Variants in KIAA1217 observed in about 807,000 individuals in gnomAD.
KIAA1217 encodes the protein sickle tail protein homolog.
Under a neutral mutation model 163.9 loss-of-function variants are expected in KIAA1217, and 88 were observed. The ratio of observed to expected loss-of-function variants is 0.54; its 90% CI spans 0.45 to 0.64. The LOEUF (loss-of-function observed/expected upper bound fraction) is 0.64. Ranked by LOEUF, KIAA1217 falls within the 30% of genes least tolerant of loss-of-function variation. The probability of loss-of-function intolerance (pLI) is 0.00; values close to 1 mark genes in which losing one functional copy is unlikely to be tolerated. For synonymous variants in KIAA1217, 903 were observed against 923.1 expected (o/e 0.98, Z 0.39); for missense variants, 2,372 against 2,475.0 (o/e 0.96, Z 0.88).
intron 1 of KIAA1217, among the ~76,000 whole-genome samples, chr10:23,996,772 T>C (rs1846505800): frequency 6.6e-6 from 1 of 152,204 alleles, no homozygotes; most frequent in African/African-American, 2.4e-5. Flanking sequence ...TTGATCTTTA[T>C]TGTTTTTAGT....
At chr10:23,936,755 T>C (rs1450511677) in intron 1 of KIAA1217, among the ~76,000 whole-genome samples, 1 of 152,202 alleles carries the variant, frequency 6.6e-6, no homozygotes, top group East Asian at 1.9e-4. Context: ...TGTGAGATAA[T>C]ACATTTCTGT....
chr10:23,926,726 AAAATAAATAAATAAAT>A (rs71397924), intron 1 of KIAA1217, among the ~76,000 whole-genome samples: 1 of 143,902 alleles, frequency 6.9e-6, no homozygotes, highest in African/African-American at 2.7e-5. Flanking sequence ...TTCTGTCTCA[AAAATAAATAAATAAAT>A]AAATAAATAA....
At chr10:23,896,874 G>A (rs1841729971) in intron 1 of KIAA1217, among the ~76,000 whole-genome samples, 1 of 152,028 alleles carries the variant, frequency 6.6e-6, no homozygotes, top group Non-Finnish European at 1.5e-5. Context: ...CTTTGATTAA[G>A]GGTGGGTGGT....
chr10:23,768,834 T>C (rs1237483612), intron 1 of KIAA1217, among the ~76,000 whole-genome samples: 1 of 152,124 alleles, frequency 6.6e-6, no homozygotes, highest in Non-Finnish European at 1.5e-5. Flanking sequence ...CTATGGATGA[T>C]GTAGGTTTGT....
intron 1 of KIAA1217, among the ~76,000 whole-genome samples, chr10:23,765,589 G>A (rs1834475602): frequency 6.6e-6 from 1 of 152,104 alleles, no homozygotes; most frequent in Non-Finnish European, 1.5e-5. Flanking sequence ...GTGGAGGGAG[G>A]GATATGCTGG....
At chr10:24,434,964 A>G (rs1009490861) in intron 4 of KIAA1217, among the ~76,000 whole-genome samples, 1 of 152,348 alleles carries the variant, frequency 6.6e-6, no homozygotes, top group South Asian at 2.1e-4. Flanking sequence ...TCCCTCACCA[A>G]ATCACTGGAG....
chr10:24,100,124 C>T (rs1185610377), intron 2 of KIAA1217, among the ~76,000 whole-genome samples: 1 of 151,914 alleles, frequency 6.6e-6, no homozygotes, highest in Non-Finnish European at 1.5e-5. Context: ...TTTCATTGGT[C>T]TTCAATCCTT....
In KIAA1217 at chr10:24,513,376, G is replaced by T. The variant is rs758859706; in HGVS notation, c.2119G>T (p.Val707Leu). Residue 707 changes from valine (V) to leucine (L), a missense_variant, in exon 10 of 21, where the codon GTG becomes TTG. Val to Leu is a conservative substitution (Grantham distance 32). This residue lies in a region of KIAA1217 where 1,431 missense variants were observed against 1,470.3 expected (regional missense o/e 0.97). Transcript: ENST00000376454. ...EDPVQRQRVLVEQERQKYLHE... is the reference protein window; with the variant it reads ...EDPVQRQRVLLEQERQKYLHE... ...TCCCGTGCAGCGACAGCGCGTCCTA[G>T]TGGAGCAAGAGAGACAAAAATATCT... The T allele has an allele frequency of 1.9e-6, 3 of 1,614,228 alleles. No individual in the cohort carries two copies. Among genetic ancestry groups the T allele is most frequent in the South Asian group, 2.2e-5 (2 of 91,080 alleles).
chr10:23,916,731 AG>A (rs1842644474), intron 1 of KIAA1217, among the ~76,000 whole-genome samples: 1 of 152,094 alleles, frequency 6.6e-6, no homozygotes, highest in African/African-American at 2.4e-5. Flanking sequence ...CTCAGCACTT[AG>A]GGAGGCTGAG....
intron 1 of KIAA1217, among the ~76,000 whole-genome samples, chr10:23,696,459 T>G (rs1836051376): frequency 6.6e-6 from 1 of 152,244 alleles, no homozygotes; most frequent in South Asian, 2.1e-4. Flanking sequence ...GGGAGATAGT[T>G]AATTAAAAAC....
At chr10:24,313,581 A>G (rs2042976339) in intron 2 of KIAA1217, among the ~76,000 whole-genome samples, 2 of 152,128 alleles carry the variant, frequency 1.3e-5, no homozygotes, top group East Asian at 1.9e-4. Context: ...ACTCTTGTGT[A>G]TTTTCACGCG....
At chr10:24,466,155 A>T (rs2062925033) in intron 5 of KIAA1217, among the ~76,000 whole-genome samples, 1 of 152,040 alleles carries the variant, frequency 6.6e-6, no homozygotes. Flanking sequence ...CTGGCAGCAA[A>T]GTGGGTATTG....
intron 1 of KIAA1217, among the ~76,000 whole-genome samples, chr10:23,963,626 T>C (rs1466963590): frequency 6.6e-6 from 1 of 152,172 alleles, no homozygotes; most frequent in Non-Finnish European, 1.5e-5. Context: ...TTTGAGTATA[T>C]ACCCAGTAAT....
chr10:24,396,972 C>G (rs2055850857), intron 3 of KIAA1217, among the ~76,000 whole-genome samples: 1 of 152,054 alleles, frequency 6.6e-6, no homozygotes. Flanking sequence ...TGCAATAATC[C>G]AGGAAGATGG....
intron 8 of KIAA1217, among the ~76,000 whole-genome samples, chr10:24,498,915 A>G (rs959873685): frequency 5.3e-5 from 8 of 152,342 alleles, no homozygotes; most frequent in African/African-American, 1.9e-4. Context: ...CATGGAATAA[A>G]AGATCGAGGG....
chr10:24,429,195 T>A (rs922032777), intron 3 of KIAA1217, among the ~76,000 whole-genome samples: 5 of 152,208 alleles, frequency 3.3e-5, no homozygotes, highest in African/African-American at 1.2e-4. Flanking sequence ...TTGAGAAAGC[T>A]ATTGCCTTTC....
intron 1 of KIAA1217, among the ~76,000 whole-genome samples, chr10:23,826,293 A>G (rs977281371): frequency 7.2e-5 from 11 of 152,192 alleles, no homozygotes; most frequent in African/African-American, 2.4e-4. Flanking sequence ...GGTTTAGAAA[A>G]CAGTAGCATC....
At chr10:24,344,858 T>C (rs1241999524) in intron 2 of KIAA1217, among the ~76,000 whole-genome samples, 1 of 152,196 alleles carries the variant, frequency 6.6e-6, no homozygotes, top group Non-Finnish European at 1.5e-5. Context: ...AAACAGACTG[T>C]GGATTCAGTT....
At chr10:23,973,229 A>G (rs1347835899) in intron 1 of KIAA1217, among the ~76,000 whole-genome samples, 2 of 152,180 alleles carry the variant, frequency 1.3e-5, no homozygotes, top group Admixed American at 6.5e-5. Context: ...TTTAGGAGGG[A>G]AAAAAATAGC....
Sources: gnomAD v4.1 joint callset for allele counts (sites outside exome capture counted in the v4.1 genomes callset) on GRCh38, gnomAD v4.1.1 for gene constraint, gnomAD v4.1.1 regional missense constraint, MANE v1.5 for transcripts, NCBI Gene and HGNC (gene_info 2026-07-23, HGNC 2026-07-21) for gene names.